The following EIF2AK2 variants were observed in gnomAD, a reference collection of about 807,000 sequenced individuals.
EIF2AK2 encodes eukaryotic translation initiation factor 2 alpha kinase 2, also known as interferon-induced, double-stranded RNA-activated protein kinase.
A neutral mutation model predicts 70.5 loss-of-function variants in EIF2AK2; 40 were observed. That is an observed-to-expected ratio of 0.57 (90% confidence interval 0.44 to 0.74). The LOEUF is 0.74. Ranked by LOEUF, EIF2AK2 falls within the 30% of genes least tolerant of loss-of-function variation. EIF2AK2 has a pLI of 0.00. For missense variants in EIF2AK2, 555 were observed against 644.3 expected, an observed-to-expected ratio of 0.86 and a Z score of 1.50; for synonymous variants, 198 against 220.9, an observed-to-expected ratio of 0.90 and a Z score of 0.92.
chr2:37,111,861 CAAA>C (rs1196685884), intron 14 of EIF2AK2, among the ~76,000 whole-genome samples: 797 of 31,900 alleles, frequency 0.025, 8 homozygotes, highest in Non-Finnish European at 0.034. Context: ...GACCCTGTCT[CAAA>C]AAAAAAAAAA....
intron 1 of EIF2AK2, among the ~76,000 whole-genome samples, chr2:37,154,779 C>G (rs1482613043): frequency 6.6e-6 from 1 of 152,084 alleles, no homozygotes; most frequent in African/African-American, 2.4e-5. Flanking sequence ...CCAGGCTGGT[C>G]TCAAACTCCT....
At chr2:37,148,123 G>C (rs1490919447) in intron 2 of EIF2AK2, among the ~76,000 whole-genome samples, 5 of 152,126 alleles carry the variant, frequency 3.3e-5, no homozygotes, top group Non-Finnish European at 7.3e-5. Flanking sequence ...TTCGAGACCA[G>C]CCTGGGCAAC....
At chr2:37,123,318 G>A (rs568274517) in intron 11 of EIF2AK2, among the ~76,000 whole-genome samples, 2 of 152,120 alleles carry the variant, frequency 1.3e-5, no homozygotes, top group South Asian at 2.1e-4. Flanking sequence ...CCAGGTTGGA[G>A]TGCAGTGGCA....
At chr2:37,135,216 T>A (rs547740657) in intron 10 of EIF2AK2, among the ~76,000 whole-genome samples, 1 of 152,132 alleles carries the variant, frequency 6.6e-6, no homozygotes, top group African/African-American at 2.4e-5. Flanking sequence ...GAAACGCTGA[T>A]GAAAAACTTA....
At chr2:37,113,067 C>G (rs929960521) in intron 14 of EIF2AK2, among the ~76,000 whole-genome samples, 1 of 152,192 alleles carries the variant, frequency 6.6e-6, no homozygotes, top group African/African-American at 2.4e-5. Context: ...CTTTCTCATA[C>G]ATAAACAAAA....
intron 14 of EIF2AK2, among the ~76,000 whole-genome samples, chr2:37,112,045 T>G (rs1355603039): frequency 6.6e-6 from 1 of 151,160 alleles, no homozygotes; most frequent in Non-Finnish European, 1.5e-5. Context: ...GGATTACTCT[T>G]CTCCACCCTC....
intron 5 of EIF2AK2, among the ~76,000 whole-genome samples, chr2:37,140,869 AT>A (rs1169282515): frequency 4.0e-5 from 6 of 150,604 alleles, no homozygotes; most frequent in East Asian, 3.9e-4. Flanking sequence ...CCATGTAGAT[AT>A]TTTTTTTCTT....
intron 11 of EIF2AK2, among the ~76,000 whole-genome samples, chr2:37,122,964 A>T (rs2148679978): frequency 6.6e-6 from 1 of 152,154 alleles, no homozygotes; most frequent in East Asian, 1.9e-4. Flanking sequence ...TCAGGAGTTC[A>T]AGACCAGCCT....
At chr2:37,111,166 T>G (rs1021609808) in intron 14 of EIF2AK2, among the ~76,000 whole-genome samples, 3 of 152,202 alleles carry the variant, frequency 2.0e-5, no homozygotes, top group Non-Finnish European at 4.4e-5. Context: ...ATAGGAGTTC[T>G]TTAACGGGTG....
At chr2:37,111,881 ATATATATAT>A (rs1558407915) in intron 14 of EIF2AK2, among the ~76,000 whole-genome samples, 2,154 of 44,280 alleles carry the variant, frequency 0.049, 48 homozygotes, top group African/African-American at 0.068. Flanking sequence ...AAAAAAAAAT[ATATATATAT>A]ATATATATAT....
chr2:37,112,043 C>T (rs1057157904), intron 14 of EIF2AK2, among the ~76,000 whole-genome samples: 11 of 151,140 alleles, frequency 7.3e-5, no homozygotes, highest in African/African-American at 2.7e-4. Flanking sequence ...GAGGATTACT[C>T]TTCTCCACCC....
Position 37,127,653 on chromosome 2 carries a change from C to T in EIF2AK2, c.786-1242G>A, listed in dbSNP as rs572415422. On this transcript the variant is annotated intron_variant, in intron 10 of 16. Coordinates refer to ENST00000233057, the MANE Select transcript of EIF2AK2 (RefSeq NM_001135651.3). ...CATCAGGCCTCCCCACAACTGTGAC[C>T]CCAGAGAAACCTCGCCTCACCCCTG... Among the ~76,000 whole-genome samples, 23 of 152,230 alleles carry T rather than the reference C, an allele frequency of 1.5e-4. No individual in the cohort carries two copies. In the South Asian group the frequency reaches 4.4e-3, roughly 29 times the overall value.
At chr2:37,114,969 C>T in intron 13 of EIF2AK2, 110 bp from the exon 14 acceptor site, 1 of 696,116 alleles carries the variant, frequency 1.4e-6, no homozygotes, top group East Asian at 3.6e-5. Flanking sequence ...AGACCTTTAC[C>T]CTTACACAGG....
chr2:37,146,513 T>C (rs1187031361), intron 4 of EIF2AK2, among the ~76,000 whole-genome samples: 1 of 152,258 alleles, frequency 6.6e-6, no homozygotes, highest in Non-Finnish European at 1.5e-5. Flanking sequence ...TTTCCTTTTT[T>C]ACTGTACTTC....
At chr2:37,142,345 C>T (rs1675363931) in intron 4 of EIF2AK2, among the ~76,000 whole-genome samples, 2 of 152,104 alleles carry the variant, frequency 1.3e-5, no homozygotes, top group South Asian at 4.1e-4. Context: ...ATTGCCCAGG[C>T]TGTTCTCGAA....
intron 1 of EIF2AK2, among the ~76,000 whole-genome samples, chr2:37,155,672 T>C (rs1052725858): frequency 6.6e-6 from 1 of 152,182 alleles, no homozygotes; most frequent in African/African-American, 2.4e-5. Flanking sequence ...TAAAAAATAA[T>C]ATTTGTCCAT....
chr2:37,146,016 AGTGCTAG>A (rs1179295284), intron 4 of EIF2AK2, among the ~76,000 whole-genome samples: 1 of 151,884 alleles, frequency 6.6e-6, no homozygotes, highest in African/African-American at 2.4e-5. Flanking sequence ...AGCTTCCCAA[AGTGCTAG>A]GATTACAGGT....
At chr2:37,119,855 G>C in intron 13 of EIF2AK2, 104 bp downstream of exon 13, 1 of 627,506 alleles carries the variant, frequency 1.6e-6, no homozygotes, top group Non-Finnish European at 2.2e-6. Flanking sequence ...GCCTCCCAAA[G>C]TGTTGAGATT....
At position 37,138,348 on chromosome 2, in the gene EIF2AK2, T is replaced by A. The variant is rs1443139750; in HGVS notation, c.609A>T (p.Ser203=). 3.1e-6 allele frequency: 5 copies of A among 1,613,694 alleles called. No individual in the cohort carries two copies. The East Asian group carries it at 1.1e-4, about 36-fold the overall frequency. Residue 203 remains serine, a synonymous_variant, in exon 8 of 17, where the codon TCA becomes TCT. Transcript: ENST00000233057. Reference sequence around the variant, plus strand: ...TATCTGCTGAGAAGTCACCTTCAGATGATGATTCAGAAGCGCTAGAAGAAA... The same window carrying A: ...TATCTGCTGAGAAGTCACCTTCAGAAGATGATTCAGAAGCGCTAGAAGAAA... ...LVTSTLASES[S]SEGDFSADTS... is the part of the protein sequence containing the mutation.
Sources: allele counts gnomAD v4.1 joint callset (sites outside exome capture counted in the v4.1 genomes callset), GRCh38; gene constraint gnomAD v4.1.1; transcripts MANE v1.5; gene names NCBI Gene and HGNC (gene_info 2026-07-23, HGNC 2026-07-21).